The following EXOC5 variants were observed in gnomAD, a reference collection of about 807,000 sequenced individuals.
EXOC5 encodes exocyst complex component 5.
A neutral mutation model predicts 90.8 loss-of-function variants in EXOC5; 17 were observed. The ratio of observed to expected loss-of-function variants is 0.19; its 90% CI spans 0.13 to 0.28. EXOC5 has a LOEUF of 0.28. EXOC5 is among the 10% of genes least tolerant of loss of function. The pLI is 1.00. For missense variants in EXOC5, 569 were observed against 830.6 expected, an observed-to-expected ratio of 0.69 and a Z score of 3.87; for synonymous variants, 260 against 270.0, an observed-to-expected ratio of 0.96 and a Z score of 0.36.
rs780779646 is a variant in EXOC5 at position 57,231,600 on chromosome 14, C to T, written c.1054G>A (p.Val352Met). The T allele has an allele frequency of 3.1e-6, 5 of 1,613,048 alleles. No homozygotes were observed. Among genetic ancestry groups the T allele is most frequent in the South Asian group, 1.1e-5 (1 of 91,056 alleles). The stretch of plus-strand genomic sequence containing the variant: ...CTGCTTTTCAAATATCCAGTCTCCA[C>T]CTCAATATAGTTCTCCAAATAGGAA... ...FISYLENYIE[V>M]ETGYLKSRSA... The change falls in exon 11 of 18, where the codon GTG becomes ATG. Residue 352 changes from valine (V) to methionine (M), a missense_variant. This residue lies in a region of EXOC5 where 69 missense variants were observed against 115.5 expected (regional missense o/e 0.60). Coordinates refer to ENST00000621441, the MANE Select transcript of EXOC5 (RefSeq NM_006544.4).
intron 1 of EXOC5, among the ~76,000 whole-genome samples, chr14:57,256,970 C>T (rs1884365684): frequency 6.6e-6 from 1 of 152,188 alleles, no homozygotes; most frequent in Admixed American, 6.5e-5. Flanking sequence ...AAGGTTACTT[C>T]CTAATAAATA....
At chr14:57,242,729 G>A (rs1761116227) in intron 4 of EXOC5, among the ~76,000 whole-genome samples, 4 of 152,098 alleles carry the variant, frequency 2.6e-5, no homozygotes, top group African/African-American at 9.7e-5. Context: ...CAGAAATTGA[G>A]ACAGCTAGGA....
At chr14:57,240,071 T>C (rs576330862) in intron 4 of EXOC5, among the ~76,000 whole-genome samples, 8 of 152,330 alleles carry the variant, frequency 5.3e-5, no homozygotes, top group Admixed American at 2.0e-4. Context: ...TACTGCCACA[T>C]ATATCCTACT....
At chr14:57,216,448 C>A (rs1882976581) in intron 15 of EXOC5, among the ~76,000 whole-genome samples, 1 of 151,966 alleles carries the variant, frequency 6.6e-6, no homozygotes, top group Non-Finnish European at 1.5e-5. Context: ...AGATACACAG[C>A]CCAATGGAAC....
intron 12 of EXOC5, among the ~76,000 whole-genome samples, chr14:57,224,679 C>T (rs1566728295): frequency 6.6e-6 from 1 of 152,154 alleles, no homozygotes; most frequent in Non-Finnish European, 1.5e-5. Context: ...TCAAACTCTT[C>T]CAGAAAATTG....
chr14:57,226,589 T>C (rs987285014), intron 12 of EXOC5, among the ~76,000 whole-genome samples: 2 of 152,150 alleles, frequency 1.3e-5, no homozygotes, highest in Non-Finnish European at 2.9e-5. Context: ...CACTACCCGA[T>C]TCAAGACTTA....
Position 57,205,921 on chromosome 14 carries a change from T to TAA in EXOC5, c.*2686_*2687dup, listed in dbSNP as rs1368212843. On this transcript the variant is annotated 3_prime_UTR_variant, in exon 18 of 18. Coordinates refer to ENST00000621441, the MANE Select transcript of EXOC5 (RefSeq NM_006544.4). The stretch of plus-strand genomic sequence containing the variant: ...TGGAATGGTCAGGTGGTCATCCATC[T>TAA]AAAGATCCATCCAGCTACTATTTAA... 5 of 456,280 alleles carry TAA rather than the reference T, an allele frequency of 1.1e-5. No individual in the cohort carries two copies. The East Asian group carries it at 2.8e-4, about 25-fold the overall frequency. The allele number at this position is 456,280 out of a possible 1,614,324, so 28.3% of individuals were successfully genotyped here.
intron 4 of EXOC5, among the ~76,000 whole-genome samples, chr14:57,242,445 T>C (rs1041781960): frequency 6.6e-6 from 1 of 151,682 alleles, no homozygotes; most frequent in African/African-American, 2.4e-5. Flanking sequence ...GGTTTCACCA[T>C]GTTGCCCGGG....
In EXOC5 at chr14:57,205,907, G is replaced by GT. The variant is rs1491385534; in HGVS notation, c.*2701_*2702insA. ...ACCAAAAATTGTCCTGGAATGGTCAGGTGGTCATCCATCTAAAGATCCATC... is the reference window on the plus strand; with the variant it reads ...ACCAAAAATTGTCCTGGAATGGTCAGTGTGGTCATCCATCTAAAGATCCATC... On this transcript the variant is annotated 3_prime_UTR_variant, in exon 18 of 18. Transcript: ENST00000621441. 1.1e-5 allele frequency: 5 copies of GT among 441,598 alleles called. No individual in the cohort carries two copies. Among genetic ancestry groups the GT allele is most frequent in the African/African-American group, 1.0e-4 (5 of 49,694 alleles). The allele number at this position is 441,598 out of a possible 1,614,324, so 27.4% of individuals were successfully genotyped here.
At chr14:57,214,947 C>T (rs934299883) in intron 15 of EXOC5, among the ~76,000 whole-genome samples, 5 of 151,986 alleles carry the variant, frequency 3.3e-5, no homozygotes, top group African/African-American at 1.2e-4. Flanking sequence ...AGAGAAGAAT[C>T]GGCTGGGCGC....
chr14:57,218,305 C>T (rs918005206), intron 14 of EXOC5, among the ~76,000 whole-genome samples: 2 of 151,954 alleles, frequency 1.3e-5, no homozygotes, highest in Non-Finnish European at 2.9e-5. Flanking sequence ...AGGAAGAGGA[C>T]CACTTAAATT....
At chr14:57,259,336 T>C (rs1002183553) in intron 1 of EXOC5, among the ~76,000 whole-genome samples, 57 of 152,168 alleles carry the variant, frequency 3.7e-4, no homozygotes, top group African/African-American at 1.4e-3. Context: ...TGGCCTCAAG[T>C]GATCTGCCCG....
chr14:57,209,800 C>T lies in EXOC5; in HGVS notation c.1723-18G>A, dbSNP rs750077764. On this transcript the variant is annotated intron_variant, in intron 16 of 17. Transcript: ENST00000621441. ...ACACAGGCCTATAAAAGTTTTTCTA[C>T]ACTCATTACACAGGAATGTATACCA... 5 of 1,520,638 alleles carry T rather than the reference C, an allele frequency of 3.3e-6. No homozygotes were observed. The South Asian group carries it at 3.5e-5, about 11-fold the overall frequency. 94.2% of individuals were successfully genotyped at this position (1,520,638 alleles called of 1,614,324 possible). A position where few individuals can be genotyped will look rare whatever the true frequency, so the allele number is the denominator to read the frequency against.
chr14:57,249,434 T>TTAG (rs35873811), intron 1 of EXOC5, among the ~76,000 whole-genome samples: 36,876 of 151,972 alleles, frequency 0.24, 10,789 homozygotes, highest in African/African-American at 0.71. Context: ...TTTTAATATA[T>TTAG]TTTTATTAAA....
rs1882485220 is a variant in EXOC5 at position 57,201,082 on chromosome 14, T to G, written c.*7527A>C. On this transcript the variant is annotated 3_prime_UTR_variant, in exon 18 of 18. Coordinates refer to ENST00000621441, the MANE Select transcript of EXOC5 (RefSeq NM_006544.4). ...GCACACATAAAGCCCCCTAGCATTA[T>G]CTATTGAGAAAGAGTAGGGTGAGAC... The G allele has an allele frequency of 6.6e-6, 1 of 152,094 alleles. No individual in the cohort carries two copies. Among genetic ancestry groups the G allele is most frequent in the African/African-American group, 2.4e-5 (1 of 41,412 alleles). 9.4% of individuals were successfully genotyped at this position (152,094 alleles called of 1,614,324 possible).
At chr14:57,232,505 A>G in intron 10 of EXOC5, 162 bp downstream of exon 10, 1 of 410,438 alleles carries the variant, frequency 2.4e-6, no homozygotes, top group Non-Finnish European at 4.3e-6. Flanking sequence ...ATGTTGTACA[A>G]TACAGTCTTG....
chr14:57,251,200 C>G (rs1487983455), intron 1 of EXOC5, among the ~76,000 whole-genome samples: 1 of 152,192 alleles, frequency 6.6e-6, no homozygotes, highest in Non-Finnish European at 1.5e-5. Flanking sequence ...CAGGTCCCAC[C>G]CTAGCCCTGT....
chr14:57,251,321 C>A (rs1427732461), intron 1 of EXOC5, among the ~76,000 whole-genome samples: 1 of 152,176 alleles, frequency 6.6e-6, no homozygotes, highest in Non-Finnish European at 1.5e-5. Flanking sequence ...GCTCTGAGGG[C>A]TAATTGCTGC....
intron 15 of EXOC5, among the ~76,000 whole-genome samples, chr14:57,212,429 G>A (rs2139609407): frequency 6.6e-6 from 1 of 152,254 alleles, no homozygotes; most frequent in East Asian, 1.9e-4. Context: ...TCCCTCCTTT[G>A]AAACAATGAA....
Sources: gnomAD v4.1 joint callset for allele counts (sites outside exome capture counted in the v4.1 genomes callset) on GRCh38, gnomAD v4.1.1 for gene constraint, gnomAD v4.1.1 regional missense constraint, MANE v1.5 for transcripts, NCBI Gene and HGNC (gene_info 2026-07-23, HGNC 2026-07-21) for gene names.